Variants in NBEA observed in about 807,000 individuals in gnomAD.
NBEA encodes the protein neurobeachin, also known as lysosomal-trafficking regulator 2.
A neutral mutation model predicts 343.4 loss-of-function variants in NBEA; 44 were observed. The observed-to-expected ratio is 0.13, with a 90% CI of 0.10 to 0.16. The LOEUF (loss-of-function observed/expected upper bound fraction) is 0.16. NBEA is among the 10% of genes least tolerant of loss of function. The pLI is 1.00. For missense variants in NBEA, 2,555 were observed against 3,631.3 expected (o/e 0.70, Z 7.62); for synonymous variants, 1,175 against 1,238.7 (o/e 0.95, Z 1.08).
intron 10 of NBEA, among the ~76,000 whole-genome samples, chr13:35,089,212 A>G (rs1379992292): frequency 1.4e-3 from 117 of 84,006 alleles, no homozygotes; most frequent in East Asian, 0.011. Flanking sequence ...CAAATTTACA[A>G]GAAAAAAACA....
intron 35 of NBEA, among the ~76,000 whole-genome samples, chr13:35,290,759 A>G (rs2035755039): frequency 6.6e-6 from 1 of 151,006 alleles, no homozygotes; most frequent in Admixed American, 6.6e-5. Context: ...AAATATCTTA[A>G]TTTATAATTT....
intron 41 of NBEA, among the ~76,000 whole-genome samples, chr13:35,485,551 A>C (rs2076277094): frequency 6.6e-6 from 1 of 152,216 alleles, no homozygotes; most frequent in East Asian, 1.9e-4. Flanking sequence ...CGTAAAATAT[A>C]CTTGATCCTC....
chr13:34,966,704 A>G lies in NBEA; in HGVS notation c.294+23590A>G, dbSNP rs185559292. Among the ~76,000 whole-genome samples the G allele has an allele frequency of 4.0e-5, 6 of 149,320 alleles. No individual in the cohort carries two copies. In the East Asian group the frequency reaches 1.2e-3, roughly 29 times the overall value. ...CACATATATGAAAATGAGGTAAATG[A>G]TGTTATTTTTCCTTTTATTTCCCTC... is the stretch of plus-strand genomic sequence containing the variant. On this transcript the variant is annotated intron_variant, in intron 1 of 58. Coordinates refer to ENST00000379939, the MANE Select transcript of NBEA (RefSeq NM_001385012.1).
chr13:35,553,796 A>G (rs1195411853), intron 43 of NBEA, among the ~76,000 whole-genome samples: 1 of 152,132 alleles, frequency 6.6e-6, no homozygotes, highest in African/African-American at 2.4e-5. Flanking sequence ...GCTGCAGGTC[A>G]TTTTTTAATT....
intron 35 of NBEA, among the ~76,000 whole-genome samples, chr13:35,298,627 T>C (rs2036322798): frequency 6.6e-6 from 1 of 151,968 alleles, no homozygotes; most frequent in Non-Finnish European, 1.5e-5. Flanking sequence ...CTAGACTTTT[T>C]TATTACAAAC....
Position 35,014,133 on chromosome 13 carries a change from T to C in NBEA, c.295-26800T>C, listed in dbSNP as rs978575502. The stretch of plus-strand genomic sequence containing the variant: ...GGGAAGTTACATTCCTTTCCTGTTA[T>C]TAGCAAAAAAACTTTTTTTTTATCT... On this transcript the variant is annotated intron_variant, in intron 1 of 58. Transcript: ENST00000379939. Among the ~76,000 whole-genome samples the C allele has an allele frequency of 7.0e-5, 10 of 142,178 alleles. 1 individual carries two copies. The highest frequency in any genetic ancestry group is 1.4e-4 in the Admixed American group (2 of 13,934). 93.3% of individuals were successfully genotyped at this position (142,178 alleles called of 152,430 possible). A position where few individuals can be genotyped will look rare whatever the true frequency, so the allele number is the denominator to read the frequency against.
chr13:35,081,585 CAA>C (rs1341161248), intron 10 of NBEA, among the ~76,000 whole-genome samples: 2 of 151,054 alleles, frequency 1.3e-5, no homozygotes, highest in East Asian at 1.9e-4. Context: ...GCAGGAATGA[CAA>C]TATGTGTGAG....
intron 8 of NBEA, among the ~76,000 whole-genome samples, chr13:35,061,417 A>G (rs1390368625): frequency 6.6e-6 from 1 of 151,726 alleles, no homozygotes; most frequent in Non-Finnish European, 1.5e-5. Flanking sequence ...GTGGATCTCT[A>G]TTTGGGGTTA....
chr13:35,578,007 AG>A (rs1351330997), intron 45 of NBEA, among the ~76,000 whole-genome samples: 2 of 152,224 alleles, frequency 1.3e-5, no homozygotes, highest in Admixed American at 6.5e-5. Flanking sequence ...AAAACAAAAA[AG>A]GTAAGAACTC....
chr13:35,352,475 T>C (rs1182770270), intron 38 of NBEA, among the ~76,000 whole-genome samples, 152 bp downstream of exon 38: 1 of 152,066 alleles, frequency 6.6e-6, no homozygotes, highest in Non-Finnish European at 1.5e-5. Flanking sequence ...CTTTAATAAT[T>C]CTTCATCAGA....
intron 35 of NBEA, among the ~76,000 whole-genome samples, chr13:35,298,997 A>C (rs1272479168): frequency 6.6e-6 from 1 of 152,068 alleles, no homozygotes; most frequent in Non-Finnish European, 1.5e-5. Flanking sequence ...CATTGAAAAA[A>C]ATTCTCGTCT....
chr13:35,206,930 G>T (rs1329935366), intron 31 of NBEA, among the ~76,000 whole-genome samples: 1 of 151,870 alleles, frequency 6.6e-6, no homozygotes, highest in Non-Finnish European at 1.5e-5. Context: ...GCCAATATAG[G>T]GAATGAAGGC....
At chr13:35,596,450 G>A (rs2081810116) in intron 47 of NBEA, among the ~76,000 whole-genome samples, 1 of 152,046 alleles carries the variant, frequency 6.6e-6, no homozygotes, top group Non-Finnish European at 1.5e-5. Context: ...AACTTAGTCA[G>A]TTAATCACAT....
In NBEA at chr13:35,044,825, TATATAG is replaced by T. The variant is rs112609962; in HGVS notation, c.527-120_527-115del. 156 of 517,690 alleles carry T rather than the reference TATATAG, an allele frequency of 3.0e-4. 1 individual carries two copies. The highest frequency in any genetic ancestry group is 2.4e-3 in the African/African-American group (123 of 51,344). 32.1% of individuals were successfully genotyped at this position (517,690 alleles called of 1,614,324 possible). ...TAGCTGTATTAGATACATATATATA[TATATAG>T]AGAGAGAGAGAGAGAGAGAGATAAC... On this transcript the variant is annotated intron_variant, in intron 2 of 58. Transcript: ENST00000379939.
chr13:35,301,759 A>G (rs2036565168), intron 35 of NBEA, among the ~76,000 whole-genome samples: 2 of 152,150 alleles, frequency 1.3e-5, no homozygotes, highest in South Asian at 4.1e-4. Flanking sequence ...TTGAATCGCC[A>G]CACTGTCTTC....
chr13:35,088,756 A>G (rs532015617), intron 10 of NBEA, among the ~76,000 whole-genome samples: 1 of 151,328 alleles, frequency 6.6e-6, no homozygotes, highest in African/African-American at 2.4e-5. Context: ...ATAACGCTGC[A>G]TATCTACAAC....
intron 45 of NBEA, among the ~76,000 whole-genome samples, chr13:35,567,570 A>G (rs916238945): frequency 6.6e-6 from 1 of 152,232 alleles, no homozygotes; most frequent in African/African-American, 2.4e-5. Flanking sequence ...ACAGTGTGAT[A>G]CTAAACTGTT....
intron 1 of NBEA, among the ~76,000 whole-genome samples, chr13:35,018,105 G>C (rs1394128944): frequency 6.6e-6 from 1 of 152,062 alleles, no homozygotes; most frequent in Admixed American, 6.6e-5. Flanking sequence ...CTGTTAATGT[G>C]TATGTCTATT....
chr13:35,341,903 G>A (rs753532397), intron 36 of NBEA, among the ~76,000 whole-genome samples: 9 of 152,124 alleles, frequency 5.9e-5, no homozygotes, highest in Non-Finnish European at 1.2e-4. Context: ...GAAAACATAT[G>A]TTCACAAAAA....
Sources: allele counts gnomAD v4.1 joint callset (sites outside exome capture counted in the v4.1 genomes callset), GRCh38; gene constraint gnomAD v4.1.1; transcripts MANE v1.5; gene names NCBI Gene and HGNC (gene_info 2026-07-23, HGNC 2026-07-21).